Variants in TGM2 observed in about 807,000 individuals in gnomAD.
TGM2 encodes the protein transglutaminase 2, also known as protein-glutamine gamma-glutamyltransferase 2.
Under a neutral mutation model 75.6 loss-of-function variants are expected in TGM2, and 53 were observed. The observed-to-expected ratio is 0.70, with a 90% confidence interval of 0.56 to 0.88. TGM2 has a LOEUF of 0.88. Ranked by LOEUF, TGM2 falls within the 40% of genes least tolerant of loss-of-function variation. The pLI, the probability that TGM2 is intolerant of heterozygous loss-of-function variation, is 0.00. For synonymous variants in TGM2, 374 were observed against 381.1 expected (o/e 0.98, Z 0.22); for missense variants, 842 against 928.5 (o/e 0.91, Z 1.21).
At chr20:38,152,489 G>A (rs2075126053) in intron 3 of TGM2, among the ~76,000 whole-genome samples, 1 of 152,218 alleles carries the variant, frequency 6.6e-6, no homozygotes, top group African/African-American at 2.4e-5. Context: ...AACCCACAGT[G>A]TTTCAACATT....
chr20:38,131,339 T>C, intron 11 of TGM2, 110 bp from the exon 12 acceptor site: 1 of 1,483,468 alleles, frequency 6.7e-7, no homozygotes, highest in Non-Finnish European at 9.2e-7. Flanking sequence ...TACCCAGGTC[T>C]GCCACGATCA....
At chr20:38,135,758 C>T (rs796289650) in intron 10 of TGM2, among the ~76,000 whole-genome samples, 1 of 152,214 alleles carries the variant, frequency 6.6e-6, no homozygotes, top group African/African-American at 2.4e-5. Context: ...AGAAGGTGTT[C>T]AGGAAAGGTC....
chr20:38,158,993 T>A (rs2075221353), intron 2 of TGM2, among the ~76,000 whole-genome samples: 1 of 152,186 alleles, frequency 6.6e-6, no homozygotes, highest in African/African-American at 2.4e-5. Context: ...TCTGGGCTCT[T>A]CCGTGGCTGC....
chr20:38,137,149 G>C (rs1205314316), intron 10 of TGM2, among the ~76,000 whole-genome samples: 1 of 152,242 alleles, frequency 6.6e-6, no homozygotes, highest in East Asian at 1.9e-4. Flanking sequence ...CAACATAGCA[G>C]CTTCTGGCCA....
intron 1 of TGM2, 50 bp from the exon 2 acceptor site, chr20:38,161,649 TC>T (rs1481455454): frequency 6.2e-7 from 1 of 1,602,382 alleles, no homozygotes; most frequent in Non-Finnish European, 8.5e-7. Flanking sequence ...CCTTCAGACC[TC>T]CAGTGATGCA....
At chr20:38,130,479 T>A (rs919014726) in intron 12 of TGM2, 110 bp from the exon 13 acceptor site, 2 of 1,218,334 alleles carry the variant, frequency 1.6e-6, no homozygotes, top group Non-Finnish European at 2.3e-6. Context: ...AGCGTGTCCA[T>A]GAATGGGCCT....
rs11907951 is a variant in TGM2, at chr20:38,146,079, C to G, written c.859+638G>C. On this transcript the variant is annotated intron_variant, in intron 6 of 12. Coordinates refer to ENST00000361475, the MANE Select transcript of TGM2 (RefSeq NM_004613.4). ...GCTAACCCATTCTCATAAGCACCAT[C>G]ATCAGCCTGGCAACAATCATCGACA... The G allele has an allele frequency of 9.8e-3, 1,545 of 156,864 alleles. 23 individuals carry two copies. The highest frequency in any genetic ancestry group is 0.035 in the African/African-American group (1,442 of 41,558). The allele number at this position is 156,864 out of a possible 1,614,324, so 9.7% of individuals were successfully genotyped here. A position where few individuals can be genotyped will look rare whatever the true frequency, so the allele number is the denominator to read the frequency against.
chr20:38,139,718 G>A lies in TGM2; in HGVS notation c.1100-64C>T, dbSNP rs112972399. 50 of 1,599,674 alleles carry A rather than the reference G, an allele frequency of 3.1e-5. 1 individual carries two copies. The highest frequency in any genetic ancestry group is 2.8e-4 in the African/African-American group (21 of 74,792). ...AAGGTTGGGTGGTGTCCTCTAAAAC[G>A]CTCCACAATTCAATCACATGTAGCC... On this transcript the variant is annotated intron_variant, in intron 8 of 12. Transcript: ENST00000361475.
intron 5 of TGM2, among the ~76,000 whole-genome samples, 194 bp from the exon 6 acceptor site, chr20:38,147,088 G>A (rs533475923): frequency 6.6e-6 from 1 of 152,222 alleles, no homozygotes; most frequent in East Asian, 1.9e-4. Flanking sequence ...CGGGGGACAG[G>A]AGGGAGATGG....
chr20:38,154,754 C>T (rs45600341), intron 3 of TGM2, among the ~76,000 whole-genome samples: 1 of 152,058 alleles, frequency 6.6e-6, no homozygotes, highest in Non-Finnish European at 1.5e-5. Context: ...AGCCCTCCCC[C>T]CAACCTCACC....
intron 2 of TGM2, 58 bp downstream of exon 2, chr20:38,161,362 G>A (rs934525314): frequency 2.1e-4 from 329 of 1,595,926 alleles, no homozygotes; most frequent in Middle Eastern, 1.7e-4. Flanking sequence ...GGCATGTCGG[G>A]GTGGAGAGGA....
intron 3 of TGM2, among the ~76,000 whole-genome samples, chr20:38,154,801 T>C (rs1369946942): frequency 6.7e-6 from 1 of 149,508 alleles, no homozygotes; most frequent in Non-Finnish European, 1.5e-5. Flanking sequence ...CTGGGTGAGA[T>C]TTAAAACAGG....
intron 8 of TGM2, 82 bp from the exon 9 acceptor site, chr20:38,139,736 A>T: frequency 3.2e-6 from 5 of 1,576,162 alleles, no homozygotes; most frequent in Non-Finnish European, 4.3e-6. Context: ...ATTCAATCAC[A>T]TGTAGCCAAA....
rs2122885045 is a variant in TGM2, at chr20:38,141,392, G to A, written c.996-7C>T. ...CACCCAGCAGTGGAAGTTCCTGAGG[G>A]GGATAGGGGGGCGGGAATGAAGCAG... On this transcript the variant is annotated splice_region_variant and splice_polypyrimidine_tract_variant and intron_variant, in intron 7 of 12. Transcript: ENST00000361475. The A allele has an allele frequency of 6.4e-7, 1 of 1,565,486 alleles. No homozygotes were observed. Among genetic ancestry groups the A allele is most frequent in the Non-Finnish European group, 8.7e-7 (1 of 1,153,392 alleles).
rs761336603 is a variant in TGM2, at chr20:38,132,463, G to A, written c.1653C>T (p.Tyr551=). The A allele has an allele frequency of 6.8e-6, 11 of 1,614,178 alleles. No homozygotes were observed. In the South Asian group the frequency reaches 1.1e-4, roughly 16 times the overall value. The change falls in exon 11 of 13, where the codon TAC becomes TAT. Residue 551 remains tyrosine (Y), a synonymous_variant. Coordinates refer to ENST00000361475, the MANE Select transcript of TGM2 (RefSeq NM_004613.4). The stretch of plus-strand genomic sequence containing the variant: ...GGTTGGACTCCGTAAGGCAGTCACG[G>A]TATTTCTCATAGAGGATGCAAAGAG... ...SVPLCILYEK[Y]RDCLTESNLI...
At chr20:38,138,870 A>AT (rs892808866) in intron 9 of TGM2, among the ~76,000 whole-genome samples, 3 of 151,520 alleles carry the variant, frequency 2.0e-5, no homozygotes, top group East Asian at 1.9e-4. Context: ...TGCTCCTTTG[A>AT]TTTTTTTCTC....
rs1056009753 is a variant in TGM2 at position 38,143,718 on chromosome 20, G to GA, written c.860-1520dup. Among the ~76,000 whole-genome samples, 11 of 152,206 alleles carry GA rather than the reference G, an allele frequency of 7.2e-5. 1 individual carries two copies. The highest frequency in any genetic ancestry group is 2.4e-4 in the African/African-American group (10 of 41,528). On this transcript the variant is annotated intron_variant, in intron 6 of 12. Coordinates refer to ENST00000361475, the MANE Select transcript of TGM2 (RefSeq NM_004613.4). The stretch of plus-strand genomic sequence containing the variant: ...GTATTGTAAAAGTAACAGATTCCCA[G>GA]AAAAAAATATCTAAAAAATGAAGAG...
intron 2 of TGM2, among the ~76,000 whole-genome samples, chr20:38,156,536 C>T (rs907479094): frequency 7.2e-5 from 11 of 152,246 alleles, no homozygotes; most frequent in Non-Finnish European, 1.2e-4. Flanking sequence ...GCTAGCGTCC[C>T]GCTTTTTCTC....
At chr20:38,163,808 G>A (rs749198725) in intron 1 of TGM2, among the ~76,000 whole-genome samples, 1 of 152,200 alleles carries the variant, frequency 6.6e-6, no homozygotes, top group African/African-American at 2.4e-5. Flanking sequence ...CAGACCCAGG[G>A]AGCTTGAGCA....
Sources: allele counts gnomAD v4.1 joint callset (sites outside exome capture counted in the v4.1 genomes callset), GRCh38; gene constraint gnomAD v4.1.1; transcripts MANE v1.5; gene names NCBI Gene and HGNC (gene_info 2026-07-23, HGNC 2026-07-21).